PCDHGA9: variants seen among roughly 807,000 people sequenced by gnomAD.
PCDHGA9 encodes the protein protocadherin gamma subfamily A, 9.
Under a neutral mutation model 62.5 loss-of-function variants are expected in PCDHGA9, and 37 were observed. The observed-to-expected ratio is 0.59, with a 90% CI of 0.46 to 0.78. The LOEUF (loss-of-function observed/expected upper bound fraction) is 0.78. Ranked by LOEUF, PCDHGA9 falls within the 30% of genes least tolerant of loss-of-function variation. The probability of loss-of-function intolerance (pLI) is 0.00; values close to 1 mark genes in which losing one functional copy is unlikely to be tolerated. For synonymous variants in PCDHGA9, 459 were observed against 484.6 expected (o/e 0.95, Z 0.69); for missense variants, 1,138 against 1,166.2 (o/e 0.98, Z 0.35).
chr5:141,422,188 C>T, intron 1 of PCDHGA9: 1 of 1,561,742 alleles, frequency 6.4e-7, no homozygotes. Context: ...GATGGAAATT[C>T]AAGGCCAAGA....
chr5:141,491,648 T>C lies in PCDHGA9; in HGVS notation c.2425-3159T>C. ...GTTCAGCAGCCCACAGCTCTGGCGC[T>C]GGAGCCTGACGCCATCCGGTCCCGC... On this transcript the variant is annotated intron_variant, in intron 1 of 3. Transcript: ENST00000573521. The surrounding 1 kb of genome is among the most constrained non-coding windows in gnomAD (Gnocchi z 6.9). 2 of 1,613,834 alleles carry C rather than the reference T, an allele frequency of 1.2e-6. No individual in the cohort carries two copies. Among genetic ancestry groups the C allele is most frequent in the South Asian group, 1.1e-5 (1 of 91,082 alleles).
intron 1 of PCDHGA9, among the ~76,000 whole-genome samples, chr5:141,454,065 G>A (rs1167102666): frequency 1.3e-5 from 2 of 152,204 alleles, no homozygotes; most frequent in Non-Finnish European, 2.9e-5. Flanking sequence ...AGAAACAAAA[G>A]TGATAATGTT....
Position 141,491,507 on chromosome 5 carries a change from C to G in PCDHGA9, c.2425-3300C>G, listed in dbSNP as rs755899622. The stretch of plus-strand genomic sequence containing the variant: ...AACCTGCAGGTGAGCTCGGACGGCA[C>G]GCTCAAGTACATGGAGGTGACGCTG... On this transcript the variant is annotated intron_variant, in intron 1 of 3. Coordinates refer to ENST00000573521, the MANE Select transcript of PCDHGA9 (RefSeq NM_018921.3). This position sits in a 1 kb window ranked among gnomAD's most constrained non-coding sequence, Gnocchi z 6.9. 1.5e-5 allele frequency: 24 copies of G among 1,614,038 alleles called. No individual in the cohort carries two copies. The highest frequency in any genetic ancestry group is 2.0e-5 in the Non-Finnish European group (24 of 1,180,016).
In PCDHGA9 at chr5:141,491,225, T is replaced by G. The variant is rs764111440; in HGVS notation, c.2425-3582T>G. The stretch of plus-strand genomic sequence containing the variant: ...CCTTCACTCTCCTCCACAGCCACAG[T>G]GCTGCTGGTTCTGGAGGATGAGGAC... On this transcript the variant is annotated intron_variant, in intron 1 of 3. Transcript: ENST00000573521. This position sits in a 1 kb window ranked among gnomAD's most constrained non-coding sequence, Gnocchi z 6.9. 6.2e-7 allele frequency: 1 copy of G among 1,614,232 alleles called. No individual in the cohort carries two copies. Among genetic ancestry groups the G allele is most frequent in the Non-Finnish European group, 8.5e-7 (1 of 1,180,028 alleles).
chr5:141,489,229 G>C lies in PCDHGA9; in HGVS notation c.2425-5578G>C. The C allele has an allele frequency of 6.6e-7, 1 of 1,522,252 alleles. No homozygotes were observed. Among genetic ancestry groups the C allele is most frequent in the Non-Finnish European group, 8.8e-7 (1 of 1,133,810 alleles). The allele number at this position is 1,522,252 out of a possible 1,614,324, so 94.3% of individuals were successfully genotyped here. On this transcript the variant is annotated intron_variant, in intron 1 of 3. Coordinates refer to ENST00000573521, the MANE Select transcript of PCDHGA9 (RefSeq NM_018921.3). This position sits in a 1 kb window ranked among gnomAD's most constrained non-coding sequence, Gnocchi z 4.5. ...AGCACAGACTTACTCTCCACAAAGG[G>C]ACTTCTGGGTCATGGGGCCCAAGAC...
chr5:141,480,816 G>A (rs1400500941), intron 1 of PCDHGA9, among the ~76,000 whole-genome samples: 4 of 152,208 alleles, frequency 2.6e-5, no homozygotes, highest in Admixed American at 2.0e-4. Flanking sequence ...GGAGGCTGAG[G>A]TGGGTGGATC....
chr5:141,509,499 T>C (rs895353804), intron 3 of PCDHGA9, among the ~76,000 whole-genome samples: 1 of 152,128 alleles, frequency 6.6e-6, no homozygotes, highest in Non-Finnish European at 1.5e-5. Flanking sequence ...GCATGCTGGA[T>C]GTGACGGTGT....
At position 141,485,184 on chromosome 5, in the gene PCDHGA9, A is replaced by G. The variant is rs1415940980; in HGVS notation, c.2425-9623A>G. ...TAGCGGGCGGCAGCAATGCTCCGCA[A>G]GGTGAGAAGCTGGACAGAAATCTGG... On this transcript the variant is annotated intron_variant, in intron 1 of 3. Transcript: ENST00000573521. This position sits in a 1 kb window ranked among gnomAD's most constrained non-coding sequence, Gnocchi z 5.7. The G allele has an allele frequency of 6.2e-7, 1 of 1,613,152 alleles. No individual in the cohort carries two copies. The highest frequency in any genetic ancestry group is 1.3e-5 in the African/African-American group (1 of 74,938).
At chr5:141,413,824 A>G (rs1265406182) in intron 1 of PCDHGA9, 1 of 1,613,114 alleles carries the variant, frequency 6.2e-7, no homozygotes, top group Middle Eastern at 1.6e-4. Context: ...CCTGGTCCTC[A>G]CCGCCTCCGA....
intron 1 of PCDHGA9, chr5:141,418,673 G>A (rs2096279740): frequency 5.0e-6 from 8 of 1,614,026 alleles, no homozygotes; most frequent in Non-Finnish European, 6.8e-6. Context: ...CCAGGACGAG[G>A]GCATCAACTC....
At chr5:141,424,784 C>T (rs1351935601) in intron 1 of PCDHGA9, 2 of 152,062 alleles carry the variant, frequency 1.3e-5, no homozygotes, top group Non-Finnish European at 2.9e-5. Context: ...ACATTCAGTT[C>T]TTTTATTCAG....
chr5:141,457,481 G>T (rs990111430), intron 1 of PCDHGA9, among the ~76,000 whole-genome samples: 1 of 152,212 alleles, frequency 6.6e-6, no homozygotes, highest in African/African-American at 2.4e-5. Context: ...CAGGGCCAGG[G>T]TTAGTCTAAA....
At chr5:141,443,499 A>T (rs533910381) in intron 1 of PCDHGA9, among the ~76,000 whole-genome samples, 1 of 152,268 alleles carries the variant, frequency 6.6e-6, no homozygotes, top group African/African-American at 2.4e-5. Context: ...ACAAACAAAC[A>T]AATAAAGAGC....
Position 141,413,628 on chromosome 5 carries a change from T to G in PCDHGA9, c.2424+8252T>G, listed in dbSNP as rs570797524. 4.3e-6 allele frequency: 7 copies of G among 1,613,878 alleles called. No homozygotes were observed. The African/African-American group carries it at 6.7e-5, about 15-fold the overall frequency. On this transcript the variant is annotated intron_variant, in intron 1 of 3. Coordinates refer to ENST00000573521, the MANE Select transcript of PCDHGA9 (RefSeq NM_018921.3). ...ACGTAAAAATTAATGAAAATGTCGC[T>G]GCGGGAATGCGTTTTCCTCTCCCGG...
At chr5:141,465,522 G>A (rs1416012695) in intron 1 of PCDHGA9, among the ~76,000 whole-genome samples, 1 of 152,112 alleles carries the variant, frequency 6.6e-6, no homozygotes, top group Non-Finnish European at 1.5e-5. Context: ...AGGATTCTGG[G>A]GAAGTTTTCC....
chr5:141,492,316 G>C (rs1283387204), intron 1 of PCDHGA9, among the ~76,000 whole-genome samples: 1 of 152,190 alleles, frequency 6.6e-6, no homozygotes. Context: ...CGCACTCCTC[G>C]CACGTGGGCT....
rs1035125527 is a variant in PCDHGA9, at chr5:141,485,059, C to T, written c.2425-9748C>T. The T allele has an allele frequency of 7.0e-6, 6 of 858,958 alleles. No homozygotes were observed. The highest frequency in any genetic ancestry group is 2.4e-5 in the East Asian group (1 of 40,854). 53.2% of individuals were successfully genotyped at this position (858,958 alleles called of 1,614,324 possible). A position where few individuals can be genotyped will look rare whatever the true frequency, so the allele number is the denominator to read the frequency against. ...AACCCTTGCGGCGCCGGCCGAACCG[C>T]GCCAGAGCTGGCGCGGGGAAAGGGA... On this transcript the variant is annotated intron_variant, in intron 1 of 3. Coordinates refer to ENST00000573521, the MANE Select transcript of PCDHGA9 (RefSeq NM_018921.3). This position sits in a 1 kb window ranked among gnomAD's most constrained non-coding sequence, Gnocchi z 5.7.
chr5:141,497,110 C>T (rs964183820), intron 2 of PCDHGA9, among the ~76,000 whole-genome samples: 2 of 151,738 alleles, frequency 1.3e-5, no homozygotes, highest in African/African-American at 2.4e-5. Context: ...TGCTTGAACC[C>T]GGAAGGCAGA....
intron 1 of PCDHGA9, chr5:141,429,167 T>TATAC (rs1240034860): frequency 3.1e-4 from 42 of 136,210 alleles, no homozygotes; most frequent in African/African-American, 7.0e-4. Flanking sequence ...AGACATTGTT[T>TATAC]ATACACACAC....
Sources: gnomAD v4.1 joint callset for allele counts (sites outside exome capture counted in the v4.1 genomes callset) on GRCh38, gnomAD v4.1.1 for gene constraint, Gnocchi (gnomAD v3.1) non-coding constraint, MANE v1.5 for transcripts, NCBI Gene and HGNC (gene_info 2026-07-23, HGNC 2026-07-21) for gene names.